The following EIF4ENIF1 variants were observed in gnomAD, a reference collection of about 807,000 sequenced individuals.
EIF4ENIF1 encodes eukaryotic translation initiation factor 4E transporter.
Under a neutral mutation model 110.5 loss-of-function variants are expected in EIF4ENIF1, and 23 were observed. The observed-to-expected ratio is 0.21, with a 90% CI of 0.15 to 0.29. The LOEUF is 0.29. Among genes scored for constraint, EIF4ENIF1 ranks in the 10% least tolerant of loss-of-function variants. The pLI, the probability that EIF4ENIF1 is intolerant of heterozygous loss-of-function variation, is 1.00. For missense variants in EIF4ENIF1, 1,031 were observed against 1,221.1 expected (o/e 0.84, Z 2.32); for synonymous variants, 440 against 437.0 (o/e 1.01, Z -0.09).
At chr22:31,468,102 T>C in intron 4 of EIF4ENIF1, 73 bp downstream of exon 4, 1 of 1,569,556 alleles carries the variant, frequency 6.4e-7, no homozygotes, top group Admixed American at 1.8e-5. Flanking sequence ...TTCTCAGAGC[T>C]AAGAATGAAA....
At chr22:31,442,155 T>C (rs1254878426) in intron 16 of EIF4ENIF1, 37 bp from the exon 17 acceptor site, 3 of 1,505,440 alleles carry the variant, frequency 2.0e-6, no homozygotes, top group African/African-American at 1.4e-5. Context: ...TTGGCAAACC[T>C]CTCCCAAACA....
intron 7 of EIF4ENIF1, among the ~76,000 whole-genome samples, chr22:31,458,187 C>T (rs1244728871): frequency 6.7e-6 from 1 of 149,946 alleles, no homozygotes; most frequent in African/African-American, 2.5e-5. Flanking sequence ...AAGATCGTGC[C>T]ACTGCACTTC....
Position 31,439,846 on chromosome 22 carries a change from C to T in EIF4ENIF1, c.*34G>A, listed in dbSNP as rs755736060. 1 of 1,605,626 alleles carries T rather than the reference C, an allele frequency of 6.2e-7. No individual in the cohort carries two copies. The highest frequency in any genetic ancestry group is 1.1e-5 in the South Asian group (1 of 90,698). ...CAGGGTCCTGCCCAGTGTGCCACCA[C>T]AGGTCCGGGCTTAGTTGAGTCTGCC... On this transcript the variant is annotated 3_prime_UTR_variant, in exon 19 of 19. Coordinates refer to ENST00000330125, the MANE Select transcript of EIF4ENIF1 (RefSeq NM_019843.4).
At chr22:31,478,086 A>G (rs564728595) in intron 2 of EIF4ENIF1, among the ~76,000 whole-genome samples, 3 of 152,308 alleles carry the variant, frequency 2.0e-5, no homozygotes, top group African/African-American at 7.2e-5. Context: ...TTAGGGAAAA[A>G]TGAGAGAAAA....
Position 31,447,647 on chromosome 22 carries a change from G to C in EIF4ENIF1, c.1849-82C>G, listed in dbSNP as rs994437394. 3 of 1,462,372 alleles carry C rather than the reference G, an allele frequency of 2.1e-6. No homozygotes were observed. The African/African-American group carries it at 4.3e-5, about 21-fold the overall frequency. The allele number at this position is 1,462,372 out of a possible 1,614,324, so 90.6% of individuals were successfully genotyped here. ...AAAGGTTTCTCTTCACTCTTAGAAA[G>C]GTATGTTAAGCAGAAGCTGAAAAAA... is the stretch of plus-strand genomic sequence containing the variant. On this transcript the variant is annotated intron_variant, in intron 13 of 18. Coordinates refer to ENST00000330125, the MANE Select transcript of EIF4ENIF1 (RefSeq NM_019843.4).
intron 13 of EIF4ENIF1, 129 bp from the exon 14 acceptor site, chr22:31,447,694 T>C: frequency 1.0e-6 from 1 of 967,912 alleles, no homozygotes; most frequent in South Asian, 1.9e-5. Flanking sequence ...CGAAACTGAC[T>C]AGATTGTGCT....
At chr22:31,473,349 GT>G (rs906519065) in intron 2 of EIF4ENIF1, among the ~76,000 whole-genome samples, 9 of 151,970 alleles carry the variant, frequency 5.9e-5, no homozygotes, top group African/African-American at 2.2e-4. Context: ...AGAACTGCCA[GT>G]TTTTTTTATA....
chr22:31,487,835 TA>T (rs1170676395), intron 2 of EIF4ENIF1, among the ~76,000 whole-genome samples: 1 of 133,046 alleles, frequency 7.5e-6, no homozygotes, highest in Non-Finnish European at 1.6e-5. Flanking sequence ...ACTAAGGAAA[TA>T]TATGGATGTG....
At position 31,440,739 on chromosome 22, in the gene EIF4ENIF1, T is replaced by C; in HGVS notation, c.2681A>G (p.His894Arg). The change falls in exon 18 of 19, where the codon CAT becomes CGT. Residue 894 changes from histidine to arginine, a missense_variant. By Grantham distance (29) the His-to-Arg change is conservative (BLOSUM62 0). Coordinates refer to ENST00000330125, the MANE Select transcript of EIF4ENIF1 (RefSeq NM_019843.4). ...TAGCTGCTGTTGCACCATTGCCAGATGCAGAGGTGTTCCAGGACGAGGGTT... is the reference window on the plus strand; with the variant it reads ...TAGCTGCTGTTGCACCATTGCCAGACGCAGAGGTGTTCCAGGACGAGGGTT... Reference protein sequence around the residue: ...LLNPRPGTPLHLAMVQQQLQR... With the variant: ...LLNPRPGTPLRLAMVQQQLQR... 1.9e-6 allele frequency: 3 copies of C among 1,613,986 alleles called. No homozygotes were observed. Among genetic ancestry groups the C allele is most frequent in the Non-Finnish European group, 2.5e-6 (3 of 1,179,870 alleles).
intron 12 of EIF4ENIF1, 141 bp from the exon 13 acceptor site, chr22:31,448,373 C>G (rs1311603482): frequency 1.2e-6 from 1 of 832,550 alleles, no homozygotes; most frequent in Non-Finnish European, 2.0e-6. Context: ...GTCCCTCTCC[C>G]TCTGTGCCCC....
In EIF4ENIF1 at chr22:31,439,931, G is replaced by A. The variant is rs376614228; in HGVS notation, c.2907C>T (p.Pro969=). ...FGSDVLQQPL[P]SMPAKVISVD... ...CACTGATAACTTTGGCGGGCATGGA[G>A]GGCAGGGGTTGCTGTAGCACATCTG... Residue 969 remains proline, a synonymous_variant, in exon 19 of 19, where the codon CCC becomes CCT. Coordinates refer to ENST00000330125, the MANE Select transcript of EIF4ENIF1 (RefSeq NM_019843.4). 4.3e-6 allele frequency: 7 copies of A among 1,614,144 alleles called. No homozygotes were observed. The highest frequency in any genetic ancestry group is 1.3e-5 in the African/African-American group (1 of 75,064).
chr22:31,471,015 A>AC lies in EIF4ENIF1; in HGVS notation c.170+828dup, dbSNP rs1193410320. ...CAAAAAGAGTGAAACTCTGTCTCGGACAAAAAAAAAAAAAGAAAAGAAATG... is the reference window on the plus strand; with the variant it reads ...CAAAAAGAGTGAAACTCTGTCTCGGACCAAAAAAAAAAAAAGAAAAGAAATG... On this transcript the variant is annotated intron_variant, in intron 3 of 18. Coordinates refer to ENST00000330125, the MANE Select transcript of EIF4ENIF1 (RefSeq NM_019843.4). Among the ~76,000 whole-genome samples, 217 of 149,312 alleles carry AC rather than the reference A, an allele frequency of 1.5e-3. 1 individual carries two copies. Among genetic ancestry groups the AC allele is most frequent in the Non-Finnish European group, 2.2e-3 (145 of 67,136 alleles).
At chr22:31,487,685 G>A (rs1024893119) in intron 2 of EIF4ENIF1, among the ~76,000 whole-genome samples, 2 of 151,734 alleles carry the variant, frequency 1.3e-5, no homozygotes, top group Non-Finnish European at 2.9e-5. Flanking sequence ...AGCTACTCAG[G>A]AGACTGAGAT....
Position 31,450,174 on chromosome 22 carries a change from G to T in EIF4ENIF1, c.1584+115C>A, listed in dbSNP as rs2050601780. 3 of 778,740 alleles carry T rather than the reference G, an allele frequency of 3.9e-6. No individual in the cohort carries two copies. In the East Asian group the frequency reaches 7.7e-5, roughly 20 times the overall value. 48.2% of individuals were successfully genotyped at this position (778,740 alleles called of 1,614,324 possible). A position where few individuals can be genotyped will look rare whatever the true frequency, so the allele number is the denominator to read the frequency against. On this transcript the variant is annotated intron_variant, in intron 11 of 18. Transcript: ENST00000330125. ...TGTCAGGCAACAATATCACCTCTCT[G>T]ATTGCCAGGCAACACAGATCATTTT...
At chr22:31,486,909 C>T (rs2052050498) in intron 2 of EIF4ENIF1, among the ~76,000 whole-genome samples, 1 of 135,190 alleles carries the variant, frequency 7.4e-6, no homozygotes, top group South Asian at 2.5e-4. Context: ...GGAGAAACCC[C>T]GTCTCTACTA....
At position 31,463,093 on chromosome 22, in the gene EIF4ENIF1, C is replaced by G. The variant is rs889594469; in HGVS notation, c.626G>C (p.Arg209Thr). ...TTCTTCTGTGTAAGAATCATTTCTT[C>G]TACGCTCACCAAAGACACGCTTACT... is the stretch of plus-strand genomic sequence containing the variant. ...GDSKRVFGER[R>T]RNDSYTEEEP... The change falls in exon 6 of 19, where the codon AGA (arginine) becomes ACA (threonine). Residue 209 changes from arginine (R) to threonine (T), a missense_variant. This residue lies in a region of EIF4ENIF1 where 704 missense variants were observed against 879.7 expected (regional missense o/e 0.80). Coordinates refer to ENST00000330125, the MANE Select transcript of EIF4ENIF1 (RefSeq NM_019843.4). 6.2e-7 allele frequency: 1 copy of G among 1,614,010 alleles called. No homozygotes were observed. The highest frequency in any genetic ancestry group is 1.3e-5 in the African/African-American group (1 of 74,896).
intron 10 of EIF4ENIF1, among the ~76,000 whole-genome samples, chr22:31,452,608 GA>G (rs1208543470): frequency 2.6e-5 from 4 of 152,108 alleles, no homozygotes; most frequent in Non-Finnish European, 5.9e-5. Context: ...CACACCAAAA[GA>G]AAGAAGCTAA....
chr22:31,476,621 A>G (rs1414021752), intron 2 of EIF4ENIF1, among the ~76,000 whole-genome samples: 1 of 152,164 alleles, frequency 6.6e-6, no homozygotes, highest in East Asian at 1.9e-4. Flanking sequence ...TGGGCTGGGC[A>G]CGGTGGCTCA....
chr22:31,458,496 A>T lies in EIF4ENIF1; in HGVS notation c.942T>A (p.Asp314Glu), dbSNP rs1454830560. The T allele has an allele frequency of 1.2e-6, 2 of 1,600,914 alleles. No individual in the cohort carries two copies. Among genetic ancestry groups the T allele is most frequent in the South Asian group, 1.1e-5 (1 of 89,712 alleles). Residue 314 changes from aspartate (D) to glutamate (E), a missense_variant, in exon 7 of 19, where the codon GAT becomes GAA. Physicochemically the swap from Asp to Glu is conservative, Grantham distance 45 (BLOSUM62 2). Around this residue, in one of 3 missense-constraint regions of EIF4ENIF1, gnomAD observed 704 missense variants for 879.7 expected, o/e 0.80. Transcript: ENST00000330125. ...TCACCGAAGCCAAGCATGGCACCTT[A>T]TCAAGGTTAAAGAACTCATTAAAGT... ...DFDFNEFFNL[D>E]KVPCLASMIE...
Sources: allele counts gnomAD v4.1 joint callset (sites outside exome capture counted in the v4.1 genomes callset), GRCh38; gene constraint gnomAD v4.1.1; regional missense constraint gnomAD v4.1.1; transcripts MANE v1.5; gene names NCBI Gene and HGNC (gene_info 2026-07-23, HGNC 2026-07-21).